CD300LG: variants seen among roughly 807,000 people sequenced by gnomAD.
The protein encoded by CD300LG is CMRF35-like molecule 9.
A neutral mutation model predicts 31.5 loss-of-function variants in CD300LG; 29 were observed. The ratio of observed to expected loss-of-function variants is 0.92; its 90% CI spans 0.68 to 1.25. The LOEUF is 1.25. Among genes scored for constraint, CD300LG ranks in the 50% most tolerant of loss-of-function variants. The probability of loss-of-function intolerance (pLI) is 0.00; values close to 1 mark genes in which losing one functional copy is unlikely to be tolerated. For synonymous variants in CD300LG, 175 were observed against 177.2 expected, an observed-to-expected ratio of 0.99 and a Z score of 0.10; for missense variants, 396 against 417.6, an observed-to-expected ratio of 0.95 and a Z score of 0.45.
Position 43,855,243 on chromosome 17 carries a change from C to T in CD300LG, c.756C>T (p.Val252=). The T allele has an allele frequency of 6.2e-7, 1 of 1,610,426 alleles. No individual in the cohort carries two copies. Among genetic ancestry groups the T allele is most frequent in the Non-Finnish European group, 8.5e-7 (1 of 1,178,912 alleles). The change falls in exon 5 of 7, where the codon GTC becomes GTT. Residue 252 remains valine, a synonymous_variant. Transcript: ENST00000317310. ...SIPMVRILAP[V]LVLLSLLSAA... The stretch of plus-strand genomic sequence containing the variant: ...CGATGGTCCGCATACTGGCCCCAGT[C>T]CTGGTGCTGCTGAGCCTTCTGTCAG...
At chr17:43,849,288 A>G in intron 2 of CD300LG, 1 of 330,512 alleles carries the variant, frequency 3.0e-6, no homozygotes. Flanking sequence ...GGCTGGGCCA[A>G]CCATTGCTGC....
At chr17:43,857,768 A>T in intron 6 of CD300LG, 1 of 1,536,506 alleles carries the variant, frequency 6.5e-7, no homozygotes, top group East Asian at 2.4e-5. Flanking sequence ...AGATTTCTTG[A>T]CTCCTGCTCT....
intron 6 of CD300LG, chr17:43,858,300 G>A: frequency 9.9e-7 from 1 of 1,007,944 alleles, no homozygotes; most frequent in South Asian, 4.2e-5. Context: ...CACACGGATG[G>A]ATGGACGGTG....
chr17:43,847,307 G>C (rs901728545), intron 1 of CD300LG, 48 bp downstream of exon 1: 1 of 1,605,530 alleles, frequency 6.2e-7, no homozygotes. Context: ...TCACCCTTGT[G>C]GTCTGCAGGG....
rs2046681863 is a variant in CD300LG, at chr17:43,863,284, G to T, written c.*1373G>T. 6.6e-6 allele frequency: 1 copy of T among 152,114 alleles called. No homozygotes were observed. Among genetic ancestry groups the T allele is most frequent in the African/African-American group, 2.4e-5 (1 of 41,414 alleles). The allele number at this position is 152,114 out of a possible 1,614,324, so 9.4% of individuals were successfully genotyped here. ...GCCTCCTGCTTCAGTCTCCCAAATT[G>T]CCGGGATTACAGGCATGAGCCACTG... On this transcript the variant is annotated 3_prime_UTR_variant, in exon 7 of 7. Coordinates refer to ENST00000317310, the MANE Select transcript of CD300LG (RefSeq NM_145273.4).
intron 6 of CD300LG, among the ~76,000 whole-genome samples, chr17:43,861,470 C>T (rs747003923): frequency 3.3e-5 from 5 of 152,172 alleles, no homozygotes; most frequent in African/African-American, 4.8e-5. Context: ...TCTTTTTTTC[C>T]GGTCCAGAAA....
At chr17:43,854,147 C>A (rs1274838406) in intron 4 of CD300LG, 103 bp downstream of exon 4, 6 of 856,342 alleles carry the variant, frequency 7.0e-6, no homozygotes, top group Non-Finnish European at 1.1e-5. Context: ...GCGGACGCAT[C>A]CTCTTGTCAT....
chr17:43,850,909 G>C (rs886878737), intron 2 of CD300LG, among the ~76,000 whole-genome samples: 5 of 152,086 alleles, frequency 3.3e-5, no homozygotes, highest in Admixed American at 6.6e-5. Flanking sequence ...GGTCAAGGCG[G>C]GTGGATCACG....
intron 2 of CD300LG, 84 bp downstream of exon 2, chr17:43,848,977 C>T: frequency 1.6e-6 from 2 of 1,226,538 alleles, no homozygotes; most frequent in Non-Finnish European, 2.3e-6. Context: ...ATCCTGGTAC[C>T]AACATTATGG....
intron 6 of CD300LG, among the ~76,000 whole-genome samples, chr17:43,858,996 T>C (rs1406120658): frequency 1.3e-5 from 2 of 152,218 alleles, no homozygotes; most frequent in Non-Finnish European, 2.9e-5. Flanking sequence ...AGGTAGAGTT[T>C]AGTATCCCCT....
chr17:43,847,384 C>T (rs2046213300), intron 1 of CD300LG, 125 bp downstream of exon 1: 1 of 317,070 alleles, frequency 3.2e-6, no homozygotes, highest in East Asian at 1.1e-4. Context: ...CCTAGGGGAG[C>T]GGGGCGGGCT....
At chr17:43,853,416 G>A (rs144765285) in intron 3 of CD300LG, among the ~76,000 whole-genome samples, 1 of 152,304 alleles carries the variant, frequency 6.6e-6, no homozygotes, top group African/African-American at 2.4e-5. Flanking sequence ...ACATGGTGGT[G>A]AGGGGAGGAC....
intron 6 of CD300LG, chr17:43,858,009 C>A (rs555558095): frequency 6.8e-7 from 1 of 1,466,574 alleles, no homozygotes. Context: ...GCTGCAGCAT[C>A]GCACTTCAGG....
At chr17:43,852,565 T>C (rs561485804) in intron 2 of CD300LG, among the ~76,000 whole-genome samples, 8 of 152,340 alleles carry the variant, frequency 5.3e-5, no homozygotes, top group Admixed American at 5.2e-4. Context: ...GTTTGAACTT[T>C]GGCTTTTAGG....
Position 43,861,740 on chromosome 17 carries a change from A to ACACCTCC in CD300LG, c.886-53_886-47dup, listed in dbSNP as rs1338149162. The ACACCTCC allele has an allele frequency of 9.1e-6, 11 of 1,213,294 alleles. No homozygotes were observed. In the African/African-American group the frequency reaches 1.5e-4, roughly 17 times the overall value. 75.2% of individuals were successfully genotyped at this position (1,213,294 alleles called of 1,614,324 possible). ...AGCAGCTACCTGGGGACCACCCCTCACACCTCCCACCCCTTCATCTGGGTT... is the reference window on the plus strand; with the variant it reads ...AGCAGCTACCTGGGGACCACCCCTCACACCTCCCACCTCCCACCCCTTCATCTGGGTT... On this transcript the variant is annotated intron_variant, in intron 6 of 6. Coordinates refer to ENST00000317310, the MANE Select transcript of CD300LG (RefSeq NM_145273.4).
intron 6 of CD300LG, among the ~76,000 whole-genome samples, chr17:43,859,150 G>C (rs1232621418): frequency 6.6e-6 from 1 of 152,164 alleles, no homozygotes; most frequent in Non-Finnish European, 1.5e-5. Flanking sequence ...CCGCTGCACT[G>C]AAGTACAAGG....
rs1271842998 is a variant in CD300LG at position 43,863,350 on chromosome 17, GT to G, written c.*1441del. The G allele has an allele frequency of 6.6e-6, 1 of 152,094 alleles. No homozygotes were observed. The highest frequency in any genetic ancestry group is 1.5e-5 in the Non-Finnish European group (1 of 68,016). The allele number at this position is 152,094 out of a possible 1,614,324, so 9.4% of individuals were successfully genotyped here. A position where few individuals can be genotyped will look rare whatever the true frequency, so the allele number is the denominator to read the frequency against. On this transcript the variant is annotated 3_prime_UTR_variant, in exon 7 of 7. Transcript: ENST00000317310. ...CCTTTAAAAAGTGAAATTAAGAGTT[GT>G]TCAGTATGCAAAACTTGGAAAGATG...
chr17:43,857,888 G>A (rs2046571027), intron 6 of CD300LG: 2 of 1,536,912 alleles, frequency 1.3e-6, no homozygotes, highest in Non-Finnish European at 1.7e-6. Flanking sequence ...GGGGACCAGG[G>A]GCAAGAGAAT....
At chr17:43,852,081 C>T (rs531433559) in intron 2 of CD300LG, among the ~76,000 whole-genome samples, 15 of 152,156 alleles carry the variant, frequency 9.9e-5, no homozygotes, top group African/African-American at 2.7e-4. Context: ...GTCCAAGGCA[C>T]GGAGGTGGGC....
Sources: gnomAD v4.1 joint callset for allele counts (sites outside exome capture counted in the v4.1 genomes callset) on GRCh38, gnomAD v4.1.1 for gene constraint, MANE v1.5 for transcripts, NCBI Gene and HGNC (gene_info 2026-07-23, HGNC 2026-07-21) for gene names.